Variants in SPIRE2 observed in about 807,000 individuals in gnomAD.
The protein encoded by SPIRE2 is spire type actin nucleation factor 2, also known as protein spire homolog 2.
Under a neutral mutation model 80.7 loss-of-function variants are expected in SPIRE2, and 76 were observed. That is an observed-to-expected ratio of 0.94 (90% CI 0.78 to 1.14). SPIRE2 has a LOEUF of 1.14. SPIRE2 is among the 50% of genes most tolerant of loss of function. The pLI is 0.00. For missense variants in SPIRE2, 1,196 were observed against 1,015.3 expected (o/e 1.18, Z -2.42); for synonymous variants, 535 against 432.6 (o/e 1.24, Z -2.94).
intron 1 of SPIRE2, among the ~76,000 whole-genome samples, chr16:89,840,466 G>C (rs868028879): frequency 6.6e-6 from 1 of 150,822 alleles, no homozygotes; most frequent in African/African-American, 2.4e-5. Flanking sequence ...AGCCAGGATG[G>C]TTTCGATCTC....
rs146853123 is a variant in SPIRE2 at position 89,856,132 on chromosome 16, G to A, written c.998G>A (p.Arg333His). 9.3e-6 allele frequency: 15 copies of A among 1,611,580 alleles called. No individual in the cohort carries two copies. In the East Asian group the frequency reaches 1.6e-4, roughly 17 times the overall value. Residue 333 changes from arginine (R) to histidine (H), a missense_variant, in exon 7 of 15, where the codon CGC becomes CAC. Coordinates refer to ENST00000378247, the MANE Select transcript of SPIRE2 (RefSeq NM_032451.2). ...CCGCAGGTCTCTGAGAGGCGGCTGC[G>A]CCCGTTGCCACCAAAGCAAAGGTCC... ...PLKQVSERRL[R>H]PLPPKQRSLH... is the part of the protein sequence containing the mutation.
chr16:89,859,270 G>GCCAC lies in SPIRE2; in HGVS notation c.1385_1388dup (p.Gly465ProfsTer33), dbSNP rs1567677090. On this transcript the variant is annotated frameshift_variant, in exon 9 of 15. Coordinates refer to ENST00000378247, the MANE Select transcript of SPIRE2 (RefSeq NM_032451.2). LOFTEE classifies it high-confidence loss of function. ...TGAGGTGGCCTCTGGCCTGCAGTCG[G>GCCAC]CCACCCACCCCCCAGGAGGGACGGA... 2 of 1,606,926 alleles carry GCCAC rather than the reference G, an allele frequency of 1.2e-6. No individual in the cohort carries two copies. Among genetic ancestry groups the GCCAC allele is most frequent in the Non-Finnish European group, 1.7e-6 (2 of 1,178,714 alleles).
rs757504046 is a variant in SPIRE2, at chr16:89,860,751, A to C, written c.1531A>C (p.Arg511=). 1.2e-5 allele frequency: 19 copies of C among 1,577,904 alleles called. No homozygotes were observed. In the South Asian group the frequency reaches 2.1e-4, roughly 17 times the overall value. ...LLSNRGSSGD[R]PEASMTPDAK... ...CAGCAACCGGGGCTCCTCGGGGGAC[A>C]GACCCGAGGCCTCCATGACCCCCGA... The change falls in exon 10 of 15, where the codon AGA becomes CGA. Residue 511 remains arginine (R), a synonymous_variant. Transcript: ENST00000378247.
intron 1 of SPIRE2, among the ~76,000 whole-genome samples, chr16:89,837,156 G>A (rs984443106): frequency 1.3e-5 from 2 of 152,144 alleles, no homozygotes; most frequent in African/African-American, 2.4e-5. Flanking sequence ...TGTCAGGCCT[G>A]TTAAATCCAG....
At chr16:89,838,984 C>T (rs1044426187) in intron 1 of SPIRE2, among the ~76,000 whole-genome samples, 5 of 151,456 alleles carry the variant, frequency 3.3e-5, no homozygotes, top group Non-Finnish European at 7.4e-5. Flanking sequence ...TCTGCCTCGG[C>T]CTCCCAAAGT....
chr16:89,866,826 G>T (rs936240317), intron 12 of SPIRE2, among the ~76,000 whole-genome samples: 2 of 149,290 alleles, frequency 1.3e-5, no homozygotes, highest in African/African-American at 5.0e-5. Context: ...AGCCAGGATG[G>T]TCTCGATCTC....
chr16:89,843,349 C>G (rs2041521414), intron 1 of SPIRE2, among the ~76,000 whole-genome samples: 2 of 152,138 alleles, frequency 1.3e-5, no homozygotes, highest in Non-Finnish European at 2.9e-5. Flanking sequence ...CAGGTTCGCT[C>G]CCGGGCCTCC....
chr16:89,836,094 G>T (rs1415474809), intron 1 of SPIRE2: 2 of 418,916 alleles, frequency 4.8e-6, no homozygotes, highest in Non-Finnish European at 9.8e-6. Flanking sequence ...AGAATCGCTT[G>T]AATCTGGGAG....
rs199728097 is a variant in SPIRE2 at position 89,843,680 on chromosome 16, TG to T, written c.245-1641del. 4.3e-3 allele frequency among the ~76,000 whole-genome samples: 99 copies of T among 22,788 alleles called. 4 individuals are homozygous for T. Among genetic ancestry groups the T allele is most frequent in the East Asian group, 0.036 (7 of 192 alleles). The allele number at this position is 22,788 out of a possible 152,430, so 14.9% of individuals were successfully genotyped here. ...CCTTGCTGCCACGTTTTTTTTTTTT[TG>T]TTTGTTTTTGTTTTTTGTTTTTTTT... On this transcript the variant is annotated intron_variant, in intron 1 of 14. Coordinates refer to ENST00000378247, the MANE Select transcript of SPIRE2 (RefSeq NM_032451.2).
Position 89,850,532 on chromosome 16 carries a change from C to A in SPIRE2, c.517C>A (p.Arg173=). The part of the protein sequence containing the change: ...RSVRTFAQAM[R]LCAARLTDPR... Reference sequence around the variant, plus strand: ...CGTGCGCACCTTTGCCCAGGCCATGCGGCTGTGCGCGGCGCGGCTGACCGA... The same window carrying A: ...CGTGCGCACCTTTGCCCAGGCCATGAGGCTGTGCGCGGCGCGGCTGACCGA... Residue 173 remains arginine, a synonymous_variant, in exon 3 of 15, where the codon CGG becomes AGG. Transcript: ENST00000378247. The A allele has an allele frequency of 2.0e-6, 3 of 1,512,750 alleles. No homozygotes were observed. The highest frequency in any genetic ancestry group is 2.6e-6 in the Non-Finnish European group (3 of 1,135,100). The allele number at this position is 1,512,750 out of a possible 1,614,324, so 93.7% of individuals were successfully genotyped here.
chr16:89,866,710 G>A (rs1046731672), intron 12 of SPIRE2, among the ~76,000 whole-genome samples: 12 of 151,436 alleles, frequency 7.9e-5, no homozygotes, highest in East Asian at 1.9e-4. Context: ...CCGGGTTCAC[G>A]CCATTCTCCT....
chr16:89,856,022 C>A, intron 6 of SPIRE2, 91 bp from the exon 7 acceptor site: 2 of 1,551,352 alleles, frequency 1.3e-6, no homozygotes, highest in Non-Finnish European at 8.7e-7. Flanking sequence ...ATGGTCACTT[C>A]CCCACCACAG....
In SPIRE2 at chr16:89,842,182, A is replaced by C. The variant is rs540144472; in HGVS notation, c.245-3140A>C. On this transcript the variant is annotated intron_variant, in intron 1 of 14. Transcript: ENST00000378247. ...AGACACCCCAAGTCTTTGCAGCTTAAATACAATTAGATTCATGAACACGTA... is the reference window on the plus strand; with the variant it reads ...AGACACCCCAAGTCTTTGCAGCTTACATACAATTAGATTCATGAACACGTA... 1.6e-3 allele frequency among the ~76,000 whole-genome samples: 243 copies of C among 148,896 alleles called. 9 individuals are homozygous for C. The highest frequency in any genetic ancestry group is 0.016 in the Admixed American group (238 of 14,768).
chr16:89,863,441 G>A lies in SPIRE2; in HGVS notation c.1576-35G>A, dbSNP rs2041761341. ...GGAGAGTAAGCTAGGGGAGCCTCCT[G>A]CATAGAAGACTTCCTACCTGAGGCC... On this transcript the variant is annotated intron_variant, in intron 10 of 14. Coordinates refer to ENST00000378247, the MANE Select transcript of SPIRE2 (RefSeq NM_032451.2). This position sits in a 1 kb window ranked among gnomAD's most constrained non-coding sequence, Gnocchi z 4.3. 1.2e-6 allele frequency: 2 copies of A among 1,613,028 alleles called. No homozygotes were observed. Among genetic ancestry groups the A allele is most frequent in the Non-Finnish European group, 1.7e-6 (2 of 1,179,624 alleles).
intron 12 of SPIRE2, among the ~76,000 whole-genome samples, chr16:89,865,251 C>G (rs1199873248): frequency 2.0e-5 from 3 of 152,090 alleles, no homozygotes; most frequent in African/African-American, 7.2e-5. Context: ...CAGGATCTGC[C>G]CACCTCTGCC....
intron 2 of SPIRE2, 196 bp downstream of exon 2, chr16:89,845,561 G>A: frequency 1.4e-6 from 1 of 709,614 alleles, no homozygotes; most frequent in Non-Finnish European, 2.6e-6. Flanking sequence ...GAGACCGCCG[G>A]GGTGGGGAGG....
chr16:89,833,426 C>T (rs2143775185), intron 1 of SPIRE2, among the ~76,000 whole-genome samples: 1 of 152,366 alleles, frequency 6.6e-6, no homozygotes, highest in South Asian at 2.1e-4. Flanking sequence ...ACCCGCCTGG[C>T]CAAAGGCACT....
chr16:89,854,787 C>T (rs1479267865), intron 5 of SPIRE2, 136 bp downstream of exon 5: 15 of 898,968 alleles, frequency 1.7e-5, no homozygotes, highest in Non-Finnish European at 2.3e-5. Context: ...GTGCTGGGTA[C>T]TGGGTCATAA....
chr16:89,859,129 A>C, intron 8 of SPIRE2, 36 bp from the exon 9 acceptor site: 1 of 1,494,746 alleles, frequency 6.7e-7, no homozygotes, highest in South Asian at 1.3e-5. Context: ...ACTGGCGGGC[A>C]TTGTCAGGGC....
Sources: allele counts gnomAD v4.1 joint callset (sites outside exome capture counted in the v4.1 genomes callset), GRCh38; gene constraint gnomAD v4.1.1; non-coding constraint Gnocchi (gnomAD v3.1); transcripts MANE v1.5; gene names NCBI Gene and HGNC (gene_info 2026-07-23, HGNC 2026-07-21).